Variants in RFC3 observed in about 807,000 individuals in gnomAD.
The protein encoded by RFC3 is A1 38 kDa subunit.
RFC3 carries 41 observed loss-of-function variants against 45.1 expected under a neutral mutation model. That is an observed-to-expected ratio of 0.91 (90% CI 0.71 to 1.18). The LOEUF is 1.18. RFC3 is among the 50% of genes most tolerant of loss of function. RFC3 has a pLI of 0.00. For missense variants in RFC3, 423 were observed against 428.1 expected (o/e 0.99, Z 0.10); for synonymous variants, 149 against 144.0 (o/e 1.03, Z -0.25).
chr13:33,889,890 A>G (rs1593669324), intron 8 of RFC3, among the ~76,000 whole-genome samples: 1 of 152,250 alleles, frequency 6.6e-6, no homozygotes, highest in African/African-American at 2.4e-5. Flanking sequence ...AAGAAGGATA[A>G]CATCCTGTCA....
At chr13:33,933,372 G>A (rs1566034060) in intron 8 of RFC3, among the ~76,000 whole-genome samples, 1 of 152,112 alleles carries the variant, frequency 6.6e-6, no homozygotes, top group Admixed American at 6.6e-5. Flanking sequence ...GGTCAGTGCT[G>A]TGGAAACAAT....
chr13:33,892,509 A>G (rs373166445), intron 8 of RFC3, among the ~76,000 whole-genome samples: 8 of 151,094 alleles, frequency 5.3e-5, no homozygotes, highest in South Asian at 2.1e-4. Flanking sequence ...TTCTATCTCT[A>G]TTTTCTTTTT....
intron 8 of RFC3, among the ~76,000 whole-genome samples, chr13:33,873,898 C>T (rs2082429143): frequency 1.3e-5 from 2 of 152,146 alleles, no homozygotes; most frequent in Non-Finnish European, 2.9e-5. Flanking sequence ...AAGCATCTTT[C>T]CTCTTTAAAT....
intron 8 of RFC3, among the ~76,000 whole-genome samples, chr13:33,905,081 A>G (rs2082664046): frequency 6.6e-6 from 1 of 152,070 alleles, no homozygotes; most frequent in Middle Eastern, 3.2e-3. Flanking sequence ...CTCTATCTTA[A>G]GCAAGGTACT....
intron 7 of RFC3, 31 bp from the exon 8 acceptor site, chr13:33,835,117 C>T (rs771810424): frequency 6.9e-7 from 1 of 1,456,994 alleles, no homozygotes; most frequent in South Asian, 1.2e-5. Context: ...TTATTTTCTT[C>T]ACAAAATACC....
chr13:33,908,299 C>A (rs1217387010), intron 8 of RFC3, among the ~76,000 whole-genome samples: 1 of 151,896 alleles, frequency 6.6e-6, no homozygotes, highest in Non-Finnish European at 1.5e-5. Flanking sequence ...TGGAAACCAT[C>A]CAGAGCATCA....
intron 4 of RFC3, among the ~76,000 whole-genome samples, chr13:33,826,367 T>G (rs1397233473): frequency 6.6e-6 from 1 of 152,158 alleles, no homozygotes; most frequent in Non-Finnish European, 1.5e-5. Flanking sequence ...GGGTATAGAT[T>G]TATACTACCA....
intron 8 of RFC3, among the ~76,000 whole-genome samples, chr13:33,860,864 CT>C (rs943781897): frequency 9.2e-5 from 14 of 151,810 alleles, no homozygotes; most frequent in African/African-American, 3.1e-4. Flanking sequence ...AGCCAAATCC[CT>C]TTTTTTCCCC....
intron 8 of RFC3, among the ~76,000 whole-genome samples, chr13:33,876,021 AACT>A (rs1451463082): frequency 6.6e-6 from 1 of 152,180 alleles, no homozygotes; most frequent in African/African-American, 2.4e-5. Flanking sequence ...CCTAAGCGTT[AACT>A]ACTGATATCC....
the RFC3 span, among the ~76,000 whole-genome samples, chr13:33,973,904 T>A: frequency 6.6e-6 from 1 of 152,142 alleles, no homozygotes; most frequent in Admixed American, 6.5e-5. Context: ...GCAACCTCTC[T>A]TTTTGTTTCT....
intron 8 of RFC3, among the ~76,000 whole-genome samples, chr13:33,895,144 A>G (rs1371755716): frequency 3.3e-5 from 5 of 151,904 alleles, no homozygotes; most frequent in Non-Finnish European, 5.9e-5. Flanking sequence ...ACAAACAAAA[A>G]TAATGGGACC....
intron 8 of RFC3, among the ~76,000 whole-genome samples, chr13:33,844,376 C>T (rs2082222516): frequency 6.6e-6 from 1 of 152,146 alleles, no homozygotes; most frequent in South Asian, 2.1e-4. Context: ...TGTTGATTAC[C>T]TTCCAGTTTC....
chr13:33,833,712 A>G (rs920720906), intron 7 of RFC3, among the ~76,000 whole-genome samples: 2 of 152,144 alleles, frequency 1.3e-5, no homozygotes. Context: ...ATTTCATACC[A>G]TATGAAATTA....
In RFC3 at chr13:33,828,297, T is replaced by C. The variant is rs1211642535; in HGVS notation, c.392-1539T>C. On this transcript the variant is annotated intron_variant, in intron 4 of 8. Coordinates refer to ENST00000380071, the MANE Select transcript of RFC3 (RefSeq NM_002915.4). ...TTTGGTCTGGGATTTCTTCTCATTG[T>C]GGAGCATTGTCTTAGTCTGGAACTC... 3.9e-5 allele frequency among the ~76,000 whole-genome samples: 6 copies of C among 152,352 alleles called. No individual in the cohort carries two copies. The East Asian group carries it at 1.2e-3, about 29-fold the overall frequency.
At chr13:33,967,564 A>T (rs6562226), downstream of RFC3, among the ~76,000 whole-genome samples, 140,299 of 149,488 alleles carry the variant, frequency 0.94, 66,450 homozygotes, top group East Asian at 1. Flanking sequence ...CTTGGCTCAC[A>T]GTAACCTCTG....
chr13:33,898,902 G>T (rs368221401), intron 8 of RFC3, among the ~76,000 whole-genome samples: 1 of 151,412 alleles, frequency 6.6e-6, no homozygotes, highest in African/African-American at 2.4e-5. Flanking sequence ...TGGAAAAGCC[G>T]GAAGAAATAA....
intron 8 of RFC3, among the ~76,000 whole-genome samples, chr13:33,913,386 C>G (rs889554003): frequency 2.0e-5 from 3 of 152,062 alleles, no homozygotes; most frequent in Admixed American, 6.6e-5. Context: ...GCCAGAGGCA[C>G]TGCGGAATCT....
chr13:33,939,097 T>A (rs918474213), intron 8 of RFC3, among the ~76,000 whole-genome samples: 2 of 152,182 alleles, frequency 1.3e-5, no homozygotes, highest in Admixed American at 1.3e-4. Flanking sequence ...TTTTGCCTAT[T>A]TTTCTGTAGG....
chr13:33,871,367 T>G (rs1419553758), intron 8 of RFC3, among the ~76,000 whole-genome samples: 3 of 152,196 alleles, frequency 2.0e-5, no homozygotes, highest in African/African-American at 7.2e-5. Flanking sequence ...TGTCTGTGCC[T>G]TTTCCAGCTT....
Sources: allele counts gnomAD v4.1 joint callset (sites outside exome capture counted in the v4.1 genomes callset), GRCh38; gene constraint gnomAD v4.1.1; transcripts MANE v1.5; gene names NCBI Gene and HGNC (gene_info 2026-07-23, HGNC 2026-07-21).